The following NFATC3 variants were observed in gnomAD, a reference collection of about 807,000 sequenced individuals.
NFATC3 encodes the protein nuclear factor of activated T cells 3.
In NFATC3, 46 loss-of-function variants were observed where a neutral mutation model predicts 98.6. The ratio of observed to expected loss-of-function variants is 0.47; its 90% CI spans 0.37 to 0.60. The LOEUF is 0.60. NFATC3 is among the 20% of genes least tolerant of loss of function. The probability of loss-of-function intolerance (pLI) is 0.00; values close to 1 mark genes in which losing one functional copy is unlikely to be tolerated. For missense variants in NFATC3, 1,256 were observed against 1,295.5 expected (o/e 0.97, Z 0.47); for synonymous variants, 512 against 472.2 (o/e 1.08, Z -1.09).
chr16:68,174,297 G>T, intron 5 of NFATC3, 77 bp from the exon 6 acceptor site: 2 of 1,158,218 alleles, frequency 1.7e-6, no homozygotes, highest in South Asian at 3.1e-5. Flanking sequence ...TTTGTAGCTT[G>T]AGTTTGTCAT....
intron 9 of NFATC3, among the ~76,000 whole-genome samples, chr16:68,201,298 A>G (rs1240550887): frequency 2.6e-5 from 4 of 152,012 alleles, no homozygotes; most frequent in Admixed American, 6.6e-5. Flanking sequence ...TGGCGTGATC[A>G]TGGCTTACTG....
chr16:68,138,976 A>G (rs984603828), intron 3 of NFATC3, among the ~76,000 whole-genome samples: 2 of 152,126 alleles, frequency 1.3e-5, no homozygotes, highest in African/African-American at 4.8e-5. Flanking sequence ...TTATTCACCT[A>G]TCTATCCATT....
chr16:68,115,961 A>G (rs1418234393), intron 1 of NFATC3, among the ~76,000 whole-genome samples: 2 of 152,132 alleles, frequency 1.3e-5, no homozygotes, highest in African/African-American at 4.8e-5. Context: ...GTCACAGTAT[A>G]TACGTATGCA....
At chr16:68,089,396 A>G (rs1056304664) in intron 1 of NFATC3, 36 of 666,514 alleles carry the variant, frequency 5.4e-5, no homozygotes, top group African/African-American at 9.8e-5. Flanking sequence ...ATTTTTTTCC[A>G]TTAAAGAAAA....
At chr16:68,106,725 C>T (rs577114114) in intron 1 of NFATC3, among the ~76,000 whole-genome samples, 6 of 151,274 alleles carry the variant, frequency 4.0e-5, no homozygotes, top group East Asian at 1.9e-4. Context: ...CGTACCCGGA[C>T]GCCTTTTTTT....
At chr16:68,219,474 G>C (rs547280165) in intron 9 of NFATC3, among the ~76,000 whole-genome samples, 1 of 152,262 alleles carries the variant, frequency 6.6e-6, no homozygotes, top group South Asian at 2.1e-4. Flanking sequence ...CTCTGAAGCG[G>C]GAGGATCGCT....
At chr16:68,160,255 G>A (rs2038829531) in intron 4 of NFATC3, among the ~76,000 whole-genome samples, 1 of 152,010 alleles carries the variant, frequency 6.6e-6, no homozygotes. Context: ...TTGAGGGTCA[G>A]GAGTTCGAGA....
intron 8 of NFATC3, among the ~76,000 whole-genome samples, chr16:68,187,018 G>A (rs980906167): frequency 1.3e-5 from 2 of 152,240 alleles, no homozygotes; most frequent in Non-Finnish European, 2.9e-5. Context: ...TTCGGCTCGT[G>A]CAACTGGCCT....
At chr16:68,111,712 T>C (rs561199274) in intron 1 of NFATC3, among the ~76,000 whole-genome samples, 1 of 152,346 alleles carries the variant, frequency 6.6e-6, no homozygotes, top group South Asian at 2.1e-4. Flanking sequence ...AGTTGCTTCA[T>C]AGTGTCATTC....
chr16:68,129,150 A>G (rs1276379834), intron 3 of NFATC3, among the ~76,000 whole-genome samples: 3 of 152,146 alleles, frequency 2.0e-5, no homozygotes, highest in South Asian at 2.1e-4. Context: ...CTGTAGTCCC[A>G]GCTCTTTCAG....
intron 6 of NFATC3, among the ~76,000 whole-genome samples, chr16:68,175,963 A>G (rs980062354): frequency 6.6e-6 from 1 of 152,082 alleles, no homozygotes; most frequent in Non-Finnish European, 1.5e-5. Flanking sequence ...AAATGGAACC[A>G]TCATCTGAAT....
chr16:68,191,446 C>G lies in NFATC3; in HGVS notation c.2777C>G (p.Ala926Gly). Residue 926 changes from alanine to glycine, a missense_variant, in exon 9 of 10, where the codon GCT (alanine) becomes GGT (glycine). Coordinates refer to ENST00000346183, the MANE Select transcript of NFATC3 (RefSeq NM_173165.3). Reference sequence around the variant, plus strand: ...TCACATTCAGGGTCTGCTACAACAGCTTCCCCAGCAGCTTCTCATCCCTTG... The same window carrying G: ...TCACATTCAGGGTCTGCTACAACAGGTTCCCCAGCAGCTTCTCATCCCTTG... ...GPSHSGSATT[A>G]SPAASHPLAS... is the part of the protein sequence containing the mutation. 1 of 1,614,126 alleles carries G rather than the reference C, an allele frequency of 6.2e-7. No individual in the cohort carries two copies.
chr16:68,176,326 G>C (rs2039702866), intron 6 of NFATC3, among the ~76,000 whole-genome samples: 1 of 151,828 alleles, frequency 6.6e-6, no homozygotes, highest in Non-Finnish European at 1.5e-5. Context: ...GCCAAAAAAT[G>C]GAAACAACCT....
chr16:68,157,621 G>A (rs2038687534), intron 3 of NFATC3, among the ~76,000 whole-genome samples: 1 of 151,988 alleles, frequency 6.6e-6, no homozygotes, highest in Non-Finnish European at 1.5e-5. Context: ...GGTCGATCTA[G>A]ATATTTATCT....
In NFATC3 at chr16:68,127,404, T is replaced by A. The variant is rs2036893628; in HGVS notation, c.1401+794T>A. Reference sequence around the variant, plus strand: ...TGAATGGATTTTTTTAAGGAAAGAATTTTTTAAGGAAAGAGATTACATCTG... The same window carrying A: ...TGAATGGATTTTTTTAAGGAAAGAAATTTTTAAGGAAAGAGATTACATCTG... On this transcript the variant is annotated intron_variant, in intron 3 of 9. Coordinates refer to ENST00000346183, the MANE Select transcript of NFATC3 (RefSeq NM_173165.3). 3.9e-5 allele frequency among the ~76,000 whole-genome samples: 6 copies of A among 152,050 alleles called. No homozygotes were observed. The South Asian group carries it at 1.0e-3, about 26-fold the overall frequency.
chr16:68,141,755 T>C (rs552444372), intron 3 of NFATC3, among the ~76,000 whole-genome samples: 27 of 152,178 alleles, frequency 1.8e-4, no homozygotes, highest in Non-Finnish European at 3.2e-4. Context: ...TCCCATTCTG[T>C]GGGTTGTCTG....
chr16:68,101,468 A>G (rs560055140), intron 1 of NFATC3, among the ~76,000 whole-genome samples: 1 of 140,168 alleles, frequency 7.1e-6, no homozygotes, highest in South Asian at 2.3e-4. Context: ...TGGAAGTTTT[A>G]TAGTTTTAGG....
chr16:68,110,656 C>T (rs1053878043), intron 1 of NFATC3, among the ~76,000 whole-genome samples: 5 of 151,800 alleles, frequency 3.3e-5, no homozygotes, highest in African/African-American at 1.2e-4. Flanking sequence ...CTGTCTCCTT[C>T]AGTTCTGCTC....
chr16:68,161,069 T>G (rs2038870297), intron 4 of NFATC3, among the ~76,000 whole-genome samples: 1 of 152,204 alleles, frequency 6.6e-6, no homozygotes, highest in South Asian at 2.1e-4. Context: ...AAAACTTTCT[T>G]GAGGAAAAAT....
Sources: gnomAD v4.1 joint callset for allele counts (sites outside exome capture counted in the v4.1 genomes callset) on GRCh38, gnomAD v4.1.1 for gene constraint, MANE v1.5 for transcripts, NCBI Gene and HGNC (gene_info 2026-07-23, HGNC 2026-07-21) for gene names.